The following GMDS variants were observed in gnomAD, a reference collection of about 807,000 sequenced individuals.
GMDS encodes GDP-mannose 4,6 dehydratase.
Under a neutral mutation model 49.9 loss-of-function variants are expected in GMDS, and 20 were observed. The ratio of observed to expected loss-of-function variants is 0.40; its 90% CI spans 0.28 to 0.58. The LOEUF (loss-of-function observed/expected upper bound fraction) is 0.58, where lower values mean the gene tolerates loss of function less well. Ranked by LOEUF, GMDS falls within the 20% of genes least tolerant of loss-of-function variation. The pLI, the probability that GMDS is intolerant of heterozygous loss-of-function variation, is 0.42. For synonymous variants in GMDS, 177 were observed against 178.6 expected (o/e 0.99, Z 0.07); for missense variants, 362 against 481.4 (o/e 0.75, Z 2.32).
chr6:2,133,105 G>T (rs567375906), intron 1 of GMDS, among the ~76,000 whole-genome samples: 1 of 152,036 alleles, frequency 6.6e-6, no homozygotes, highest in African/African-American at 2.4e-5. Flanking sequence ...CTAATCACTC[G>T]AGTGATTTAT....
chr6:1,938,558 G>T (rs1404528086), intron 6 of GMDS, among the ~76,000 whole-genome samples: 2 of 152,058 alleles, frequency 1.3e-5, no homozygotes, highest in Non-Finnish European at 2.9e-5. Context: ...TTCCTTTGTA[G>T]GTAATGTAAT....
At chr6:1,857,781 C>T (rs2113778944) in intron 7 of GMDS, among the ~76,000 whole-genome samples, 1 of 152,288 alleles carries the variant, frequency 6.6e-6, no homozygotes, top group South Asian at 2.1e-4. Context: ...TAATAAAAAT[C>T]ATATATATGG....
At position 1,778,032 on chromosome 6, in the gene GMDS, G is replaced by C. The variant is rs1768910984; in HGVS notation, c.772-35446C>G. Among the ~76,000 whole-genome samples the C allele has an allele frequency of 6.6e-6, 1 of 152,116 alleles. No individual in the cohort carries two copies. Among genetic ancestry groups the C allele is most frequent in the Non-Finnish European group, 1.5e-5 (1 of 68,016 alleles). On this transcript the variant is annotated intron_variant, in intron 7 of 10. Transcript: ENST00000380815. The surrounding 1 kb of genome is among the most constrained non-coding windows in gnomAD (Gnocchi z 4.6). ...AAATTTCAATAAAGAGGGCCACAAA[G>C]AAGCATTTGTAAGCTCAGGGGTGCA...
intron 1 of GMDS, among the ~76,000 whole-genome samples, chr6:2,126,441 AC>A (rs1775446145): frequency 6.6e-6 from 1 of 152,172 alleles, no homozygotes; most frequent in African/African-American, 2.4e-5. Flanking sequence ...GGAAAAAAAA[AC>A]AAAAAACCTT....
intron 9 of GMDS, among the ~76,000 whole-genome samples, chr6:1,690,920 A>G (rs577473580): frequency 2.2e-4 from 33 of 152,380 alleles, no homozygotes; most frequent in East Asian, 1.5e-3. Flanking sequence ...GGGAATGTAA[A>G]TTAGTTCAAC....
intron 9 of GMDS, among the ~76,000 whole-genome samples, chr6:1,710,250 G>A (rs1765896952): frequency 6.6e-6 from 1 of 152,086 alleles, no homozygotes; most frequent in Admixed American, 6.5e-5. Flanking sequence ...ACCAGACCGG[G>A]GAAAACATTT....
Position 1,726,542 on chromosome 6 carries a change from C to T in GMDS, c.891-30G>A, listed in dbSNP as rs758874955. The T allele has an allele frequency of 5.3e-6, 8 of 1,503,308 alleles. No individual in the cohort carries two copies. The Admixed American group carries it at 1.2e-4, about 22-fold the overall frequency. 93.1% of individuals were successfully genotyped at this position (1,503,308 alleles called of 1,614,324 possible). ...AAGGAAGATAAACACTGAATCAGCT[C>T]CTAATTGCTTGGGAACATTTGGCCA... On this transcript the variant is annotated intron_variant, in intron 8 of 10. Coordinates refer to ENST00000380815, the MANE Select transcript of GMDS (RefSeq NM_001500.4).
chr6:2,244,864 C>T (rs145072033), intron 1 of GMDS, among the ~76,000 whole-genome samples: 3 of 152,224 alleles, frequency 2.0e-5, no homozygotes, highest in Non-Finnish European at 2.9e-5. Context: ...CAGCAAAGCA[C>T]CCTTTTTCTT....
chr6:1,900,879 T>C (rs1480609053), intron 7 of GMDS, among the ~76,000 whole-genome samples: 1 of 152,222 alleles, frequency 6.6e-6, no homozygotes, highest in Admixed American at 6.5e-5. Context: ...AAAAAAGCAC[T>C]CTCGATGATA....
intron 7 of GMDS, among the ~76,000 whole-genome samples, chr6:1,839,493 G>C (rs1757064442): frequency 6.6e-6 from 1 of 152,040 alleles, no homozygotes; most frequent in East Asian, 1.9e-4. Flanking sequence ...AGTCATTCTA[G>C]ATACTTTATG....
At chr6:1,789,532 C>CTTTTTTTTTTTTTT (rs59996305) in intron 7 of GMDS, among the ~76,000 whole-genome samples, 3 of 141,268 alleles carry the variant, frequency 2.1e-5, no homozygotes, top group Non-Finnish European at 4.7e-5. Context: ...TTTCTTTTTT[C>CTTTTTTTTTTTTTT]TTTTTTTTTT....
At chr6:1,900,787 C>T (rs1246515785) in intron 7 of GMDS, among the ~76,000 whole-genome samples, 2 of 152,212 alleles carry the variant, frequency 1.3e-5, no homozygotes, top group African/African-American at 4.8e-5. Flanking sequence ...TTCATTTCCA[C>T]ATCTAATCAG....
chr6:1,867,790 A>T (rs1758512923), intron 7 of GMDS, among the ~76,000 whole-genome samples: 1 of 152,220 alleles, frequency 6.6e-6, no homozygotes, highest in Non-Finnish European at 1.5e-5. Context: ...AATCAGAATA[A>T]AAGTTAAAAT....
chr6:1,908,250 G>A (rs1456452150), intron 7 of GMDS, among the ~76,000 whole-genome samples: 4 of 152,160 alleles, frequency 2.6e-5, no homozygotes, highest in Admixed American at 6.5e-5. Context: ...AAAGGTGCAC[G>A]ATTTAAAACT....
intron 7 of GMDS, among the ~76,000 whole-genome samples, chr6:1,851,534 C>T (rs1757670591): frequency 6.6e-6 from 1 of 152,016 alleles, no homozygotes; most frequent in South Asian, 2.1e-4. Context: ...TTTGAAAACA[C>T]ACATACTGTA....
rs150626036 is a variant in GMDS, at chr6:1,785,478, T to C, written c.772-42892A>G. Among the ~76,000 whole-genome samples, 328 of 152,260 alleles carry C rather than the reference T, an allele frequency of 2.2e-3. 2 individuals carry two copies. Among genetic ancestry groups the C allele is most frequent in the African/African-American group, 7.5e-3 (311 of 41,552 alleles). On this transcript the variant is annotated intron_variant, in intron 7 of 10. Coordinates refer to ENST00000380815, the MANE Select transcript of GMDS (RefSeq NM_001500.4). ...AGATTCCACAGCTGGCAGCTGTACT[T>C]GTTGGAAAGGCCGTTCACTCCTATG... is the stretch of plus-strand genomic sequence containing the variant.
At chr6:2,010,969 T>A (rs984381531) in intron 4 of GMDS, among the ~76,000 whole-genome samples, 1 of 152,048 alleles carries the variant, frequency 6.6e-6, no homozygotes, top group Admixed American at 6.6e-5. Flanking sequence ...TCTAGAGAAA[T>A]TATTTTTTAA....
At chr6:1,659,587 G>A (rs1469493199) in intron 9 of GMDS, among the ~76,000 whole-genome samples, 1 of 152,178 alleles carries the variant, frequency 6.6e-6, no homozygotes, top group Non-Finnish European at 1.5e-5. Flanking sequence ...GCAGCTGGGT[G>A]ATAGCACCCA....
chr6:1,786,127 T>C lies in GMDS; in HGVS notation c.772-43541A>G, dbSNP rs371190604. ...GAGACGGTGAAGGTCTTGGAAAGTC[T>C]TTCTAGTGAAGCTCAAGGTCATATA... On this transcript the variant is annotated intron_variant, in intron 7 of 10. Transcript: ENST00000380815. Among the ~76,000 whole-genome samples the C allele has an allele frequency of 4.1e-4, 63 of 152,390 alleles. No individual in the cohort carries two copies. In the South Asian group the frequency reaches 0.012, roughly 30 times the overall value.
Sources: gnomAD v4.1 joint callset for allele counts (sites outside exome capture counted in the v4.1 genomes callset) on GRCh38, gnomAD v4.1.1 for gene constraint, Gnocchi (gnomAD v3.1) non-coding constraint, MANE v1.5 for transcripts, NCBI Gene and HGNC (gene_info 2026-07-23, HGNC 2026-07-21) for gene names.